Variants in KLHL14 observed in about 807,000 individuals in gnomAD.
KLHL14 encodes the protein kelch-like protein 14.
A neutral mutation model predicts 64.3 loss-of-function variants in KLHL14; 22 were observed. The observed-to-expected ratio is 0.34, with a 90% CI of 0.24 to 0.49. KLHL14 has a LOEUF of 0.49. Among genes scored for constraint, KLHL14 ranks in the 20% least tolerant of loss-of-function variants. The pLI, the probability that KLHL14 is intolerant of heterozygous loss-of-function variation, is 0.99. For synonymous variants in KLHL14, 322 were observed against 333.4 expected (o/e 0.97, Z 0.37); for missense variants, 661 against 789.0 (o/e 0.84, Z 1.94).
chr18:32,698,801 T>A (rs1005297566), intron 3 of KLHL14, among the ~76,000 whole-genome samples: 8 of 152,224 alleles, frequency 5.3e-5, no homozygotes, highest in African/African-American at 1.7e-4. Flanking sequence ...ATTTCATCTC[T>A]AAATTTCAAG....
chr18:32,765,886 T>C (rs985371420), intron 2 of KLHL14, among the ~76,000 whole-genome samples: 1 of 152,152 alleles, frequency 6.6e-6, no homozygotes, highest in Non-Finnish European at 1.5e-5. Context: ...AATGAAATCT[T>C]AGGTAGTCTC....
intron 2 of KLHL14, among the ~76,000 whole-genome samples, chr18:32,758,015 T>C (rs1438135218): frequency 6.6e-6 from 1 of 152,226 alleles, no homozygotes; most frequent in Non-Finnish European, 1.5e-5. Context: ...ACAGGATATT[T>C]ATAACTTAAT....
intron 2 of KLHL14, among the ~76,000 whole-genome samples, chr18:32,752,810 G>A (rs1415295458): frequency 8.0e-6 from 1 of 125,180 alleles, no homozygotes; most frequent in Non-Finnish European, 1.6e-5. Context: ...TTGAGACGGA[G>A]TCTCGCTCTG....
intron 2 of KLHL14, 55 bp from the exon 3 acceptor site, chr18:32,742,104 A>G (rs2050202341): frequency 2.1e-5 from 32 of 1,549,696 alleles, no homozygotes; most frequent in Non-Finnish European, 2.7e-5. Flanking sequence ...GAGTCTTTTT[A>G]GTGGCAACGA....
chr18:32,724,472 G>A (rs12967667), intron 3 of KLHL14, among the ~76,000 whole-genome samples: 44,799 of 151,968 alleles, frequency 0.29, 6,862 homozygotes, highest in African/African-American at 0.37. Context: ...CAACCAGATA[G>A]AAACAGTGCA....
intron 3 of KLHL14, among the ~76,000 whole-genome samples, chr18:32,705,937 T>G (rs1245800670): frequency 6.6e-6 from 1 of 152,186 alleles, no homozygotes; most frequent in Non-Finnish European, 1.5e-5. Context: ...CTGCTCTAAT[T>G]AAATCTTTCC....
intron 3 of KLHL14, 124 bp from the exon 4 acceptor site, chr18:32,695,676 T>C (rs933161256): frequency 1.8e-5 from 12 of 657,280 alleles, no homozygotes; most frequent in Admixed American, 5.1e-5. Flanking sequence ...AGGAAGAAGA[T>C]TGAACAGGTG....
intron 8 of KLHL14, among the ~76,000 whole-genome samples, chr18:32,676,506 AT>A (rs1325324123): frequency 1.3e-5 from 2 of 152,180 alleles, no homozygotes; most frequent in Admixed American, 1.3e-4. Context: ...ATTATTGTTA[AT>A]TTTTTGGAGT....
At chr18:32,759,993 C>T (rs2050305540) in intron 2 of KLHL14, among the ~76,000 whole-genome samples, 1 of 152,196 alleles carries the variant, frequency 6.6e-6, no homozygotes, top group Admixed American at 6.5e-5. Flanking sequence ...GTTTCCCTCT[C>T]TGACTCACAG....
At chr18:32,726,042 G>A (rs2050106353) in intron 3 of KLHL14, among the ~76,000 whole-genome samples, 1 of 152,230 alleles carries the variant, frequency 6.6e-6, no homozygotes, top group Non-Finnish European at 1.5e-5. Context: ...TTACCAAGTG[G>A]TGTGATTTGT....
intron 3 of KLHL14, among the ~76,000 whole-genome samples, chr18:32,733,072 G>T (rs2050144717): frequency 6.6e-6 from 1 of 152,160 alleles, no homozygotes. Flanking sequence ...AAAGGAAACA[G>T]AGTCCAGAAA....
At chr18:32,715,114 T>C (rs2050038548) in intron 3 of KLHL14, among the ~76,000 whole-genome samples, 1 of 152,114 alleles carries the variant, frequency 6.6e-6, no homozygotes, top group African/African-American at 2.4e-5. Context: ...GCATACCCTA[T>C]GCTAATATTG....
At chr18:32,705,149 T>A (rs571343002) in intron 3 of KLHL14, among the ~76,000 whole-genome samples, 98 of 152,306 alleles carry the variant, frequency 6.4e-4, no homozygotes, top group African/African-American at 2.2e-3. Flanking sequence ...TAGCTTAATT[T>A]AAAAAAATGA....
chr18:32,693,898 T>C (rs1342880379), intron 4 of KLHL14, among the ~76,000 whole-genome samples: 1 of 152,208 alleles, frequency 6.6e-6, no homozygotes, highest in Non-Finnish European at 1.5e-5. Context: ...AACTCTCCCG[T>C]GTTCCCCCCA....
chr18:32,693,377 T>TACACACACACAC (rs869067364), intron 4 of KLHL14, among the ~76,000 whole-genome samples: 69 of 96,650 alleles, frequency 7.1e-4, no homozygotes, highest in African/African-American at 2.9e-3. Context: ...AAAGGGATCT[T>TACACACACACAC]ACACACACAC....
rs1339546244 is a variant in KLHL14 at position 32,770,223 on chromosome 18, G to A, written c.369C>T (p.Asn123=). 6.2e-7 allele frequency: 1 copy of A among 1,608,176 alleles called. No individual in the cohort carries two copies. Among genetic ancestry groups the A allele is most frequent in the South Asian group, 1.1e-5 (1 of 90,636 alleles). ...DKLLTSPRAI[N]NLVLQGCSSI... is the part of the protein sequence containing the mutation. ...ACGAGCAGCCCTGCAGCACCAGGTTGTTGATGGCCCGGGGGCTGGTCAGCA... is the reference window on the plus strand; with the variant it reads ...ACGAGCAGCCCTGCAGCACCAGGTTATTGATGGCCCGGGGGCTGGTCAGCA... Residue 123 remains asparagine, a synonymous_variant, in exon 2 of 9, where the codon AAC becomes AAT. Transcript: ENST00000359358. The surrounding 1 kb of genome is among the most constrained non-coding windows in gnomAD (Gnocchi z 6.7).
intron 2 of KLHL14, among the ~76,000 whole-genome samples, chr18:32,765,524 T>C (rs905579089): frequency 6.6e-6 from 1 of 152,178 alleles, no homozygotes; most frequent in African/African-American, 2.4e-5. Flanking sequence ...TTCTGAATGG[T>C]TGAATAATTT....
At position 32,769,700 on chromosome 18, in the gene KLHL14, T is replaced by A. The variant is rs748066837; in HGVS notation, c.892A>T (p.Met298Leu). Residue 298 changes from methionine (M) to leucine (L), a missense_variant, in exon 2 of 9, where the codon ATG (methionine) becomes TTG (leucine). Coordinates refer to ENST00000359358, the MANE Select transcript of KLHL14 (RefSeq NM_020805.3). ...PVCQKLLLDA[M>L]NYHLMPFRQH... is the part of the protein sequence containing the mutation. The stretch of plus-strand genomic sequence containing the variant: ...CTGAAGGGCATCAGGTGGTAGTTCA[T>A]GGCGTCCAGCAGCAGCTTCTGGCAG... 1.3e-6 allele frequency: 2 copies of A among 1,569,128 alleles called. No homozygotes were observed. Among genetic ancestry groups the A allele is most frequent in the Non-Finnish European group, 8.7e-7 (1 of 1,155,094 alleles).
Position 32,672,701 on chromosome 18 carries a change from T to C in KLHL14, c.*1956A>G, listed in dbSNP as rs1456392223. The C allele has an allele frequency of 3.3e-5, 5 of 152,664 alleles. No homozygotes were observed. In the East Asian group the frequency reaches 9.6e-4, roughly 29 times the overall value. The allele number at this position is 152,664 out of a possible 1,614,324, so 9.5% of individuals were successfully genotyped here. ...GTACATAAAGTTTTTATTTAAAGTT[T>C]TCCCCTTCCAAGCAAGCTTCATTTA... On this transcript the variant is annotated 3_prime_UTR_variant, in exon 9 of 9. Coordinates refer to ENST00000359358, the MANE Select transcript of KLHL14 (RefSeq NM_020805.3).
Sources: gnomAD v4.1 joint callset for allele counts (sites outside exome capture counted in the v4.1 genomes callset) on GRCh38, gnomAD v4.1.1 for gene constraint, Gnocchi (gnomAD v3.1) non-coding constraint, MANE v1.5 for transcripts, NCBI Gene and HGNC (gene_info 2026-07-23, HGNC 2026-07-21) for gene names.